Variants in IL21R observed in about 807,000 individuals in gnomAD.
IL21R encodes the protein interleukin-21 receptor.
IL21R carries 14 observed loss-of-function variants against 41.3 expected under a neutral mutation model. The observed-to-expected ratio is 0.34, with a 90% CI of 0.22 to 0.53. The LOEUF (loss-of-function observed/expected upper bound fraction) is 0.53. Ranked by LOEUF, IL21R falls within the 20% of genes least tolerant of loss-of-function variation. The probability of loss-of-function intolerance (pLI) is 0.94; values close to 1 mark genes in which losing one functional copy is unlikely to be tolerated. For synonymous variants in IL21R, 286 were observed against 287.6 expected (o/e 0.99, Z 0.05); for missense variants, 588 against 681.6 (o/e 0.86, Z 1.53).
At position 27,448,633 on chromosome 16, in the gene IL21R, C is replaced by T. The variant is rs149097843; in HGVS notation, c.967C>T (p.Arg323Trp). 38 of 1,613,066 alleles carry T rather than the reference C, an allele frequency of 2.4e-5. No homozygotes were observed. The highest frequency in any genetic ancestry group is 1.5e-4 in the African/African-American group (11 of 74,924). ...GGAGGTGTACAGCTGCCACCCACCA[C>T]GGAGCCCGGCCAAGAGGCTGCAGCT... ...TLEVYSCHPP[R>W]SPAKRLQLTE... Residue 323 changes from arginine to tryptophan, a missense_variant, in exon 9 of 9, where the codon CGG becomes TGG. Physicochemically the swap from Arg to Trp is moderately radical, Grantham distance 101 (BLOSUM62 -3). Coordinates refer to ENST00000337929, the MANE Select transcript of IL21R (RefSeq NM_181078.3).
intron 4 of IL21R, among the ~76,000 whole-genome samples, chr16:27,440,222 AATAT>A (rs60418304): frequency 0.01 from 777 of 75,866 alleles, 16 homozygotes; most frequent in South Asian, 0.013. Flanking sequence ...TAATCTGACA[AATAT>A]ATATATATAT....
intron 1 of IL21R, among the ~76,000 whole-genome samples, chr16:27,428,648 G>A (rs552338187): frequency 2.0e-5 from 3 of 152,314 alleles, no homozygotes; most frequent in Admixed American, 1.3e-4. Flanking sequence ...GCCTGGCATC[G>A]CCAGACTGGT....
chr16:27,435,992 C>T (rs1471864698), intron 3 of IL21R, among the ~76,000 whole-genome samples: 4 of 152,154 alleles, frequency 2.6e-5, no homozygotes, highest in Middle Eastern at 3.2e-3. Flanking sequence ...CACCTGGTCT[C>T]GAACTCCTGG....
Position 27,444,654 on chromosome 16 carries a change from GCTC to G in IL21R, c.626_628del (p.Ser209del). 6.3e-7 allele frequency: 1 copy of G among 1,580,572 alleles called. No homozygotes were observed. The highest frequency in any genetic ancestry group is 8.6e-7 in the Non-Finnish European group (1 of 1,163,574). On this transcript the variant is annotated inframe_deletion, in exon 6 of 9. Coordinates refer to ENST00000337929, the MANE Select transcript of IL21R (RefSeq NM_181078.3). ...CAGGTGCGGGCAGGGCCCATGCCTG[GCTC>G]CTCCTACCAGGGGACCTGGAGTGAA... is the stretch of plus-strand genomic sequence containing the variant.
chr16:27,418,015 ATTTTATTTTATTTTAT>A lies in IL21R; in HGVS notation c.-16-12037_-16-12022del, dbSNP rs1411364131. On this transcript the variant is annotated intron_variant, in intron 1 of 8. Coordinates refer to ENST00000337929, the MANE Select transcript of IL21R (RefSeq NM_181078.3). ...CTGTAACATTTTTCCTATTTTATTT[ATTTTATTTTATTTTAT>A]TTTATTTTATTTTATTTTATTTTAT... Among the ~76,000 whole-genome samples, 4 of 28,014 alleles carry A rather than the reference ATTTTATTTTATTTTAT, an allele frequency of 1.4e-4. No individual in the cohort carries two copies. The East Asian group carries it at 0.025, about 177-fold the overall frequency. The allele number at this position is 28,014 out of a possible 152,430, so 18.4% of individuals were successfully genotyped here.
intron 4 of IL21R, among the ~76,000 whole-genome samples, chr16:27,440,285 C>CG (rs1567370086): frequency 0.019 from 1,699 of 90,906 alleles, 32 homozygotes; most frequent in Non-Finnish European, 0.026. Flanking sequence ...AGAGAGCGAG[C>CG]AAGCGCGCGC....
intron 8 of IL21R, among the ~76,000 whole-genome samples, chr16:27,446,734 C>G (rs1048126930): frequency 1.3e-5 from 2 of 152,312 alleles, no homozygotes; most frequent in East Asian, 1.9e-4. Context: ...TGTCCTTAAT[C>G]TGGGTTGGAG....
chr16:27,405,619 C>T (rs2086730762), intron 1 of IL21R, among the ~76,000 whole-genome samples: 1 of 152,210 alleles, frequency 6.6e-6, no homozygotes, highest in Non-Finnish European at 1.5e-5. Context: ...GCCCCTTCCT[C>T]ACATGCCCTC....
intron 4 of IL21R, among the ~76,000 whole-genome samples, chr16:27,438,862 T>C (rs2087320150): frequency 6.6e-6 from 1 of 152,104 alleles, no homozygotes; most frequent in Admixed American, 6.6e-5. Flanking sequence ...AGAGTGAGAC[T>C]CCGTCTCAAA....
At chr16:27,415,786 A>G (rs1044292864) in intron 1 of IL21R, among the ~76,000 whole-genome samples, 46 of 152,298 alleles carry the variant, frequency 3.0e-4, no homozygotes, top group Non-Finnish European at 2.1e-4. Context: ...TCTTTAGTTA[A>G]TAATGTAAAA....
At chr16:27,438,368 A>AG (rs2087311200) in intron 4 of IL21R, among the ~76,000 whole-genome samples, 1 of 151,994 alleles carries the variant, frequency 6.6e-6, no homozygotes, top group Admixed American at 6.6e-5. Context: ...GGCTGGAGGT[A>AG]GAGGGGGGTC....
chr16:27,450,524 C>A lies in IL21R; in HGVS notation c.*1241C>A. The A allele has an allele frequency of 4.4e-6, 1 of 227,092 alleles. No individual in the cohort carries two copies. The allele number at this position is 227,092 out of a possible 1,614,324, so 14.1% of individuals were successfully genotyped here. Reference sequence around the variant, plus strand: ...TGTTTGTCAATGATTTGTCAGAGAACCTGTTGAAATGTGAATTAAGAAGCT... The same window carrying A: ...TGTTTGTCAATGATTTGTCAGAGAAACTGTTGAAATGTGAATTAAGAAGCT... On this transcript the variant is annotated 3_prime_UTR_variant, in exon 9 of 9. Transcript: ENST00000337929.
At position 27,445,211 on chromosome 16, in the gene IL21R, T is replaced by A. The variant is rs763835537; in HGVS notation, c.720T>A (p.Leu240=). The A allele has an allele frequency of 6.2e-7, 1 of 1,614,064 alleles. No homozygotes were observed. Among genetic ancestry groups the A allele is most frequent in the South Asian group, 1.1e-5 (1 of 91,068 alleles). The change falls in exon 7 of 9, where the codon CTT becomes CTA. Residue 240 remains leucine, a synonymous_variant. Transcript: ENST00000337929. ...AAGGCTGGAACCCTCACCTGCTGCT[T>A]CTCCTCCTGCTTGTCATAGTCTTCA... ...LKEGWNPHLL[L]LLLLVIVFIP... is the part of the protein sequence containing the mutation.
In IL21R at chr16:27,402,554, C is replaced by T. The variant is rs753682941; in HGVS notation, c.-81C>T. On this transcript the variant is annotated 5_prime_UTR_variant, in exon 1 of 9. Transcript: ENST00000337929. ...CCACGCTGAACCCAGCTGCCACCCC[C>T]AGAAGCCCATCAGACTGCCCCCAGC... The T allele has an allele frequency of 3.2e-5, 5 of 153,982 alleles. No homozygotes were observed. Among genetic ancestry groups the T allele is most frequent in the Admixed American group, 1.3e-4 (2 of 15,638 alleles). 9.5% of individuals were successfully genotyped at this position (153,982 alleles called of 1,614,324 possible). A position where few individuals can be genotyped will look rare whatever the true frequency, so the allele number is the denominator to read the frequency against.
At chr16:27,447,357 G>A (rs935550595) in intron 8 of IL21R, among the ~76,000 whole-genome samples, 7 of 152,078 alleles carry the variant, frequency 4.6e-5, no homozygotes, top group African/African-American at 1.7e-4. Context: ...GCACCGAGAG[G>A]GTAAGTAATT....
chr16:27,414,465 AT>A (rs1415633775), intron 1 of IL21R, among the ~76,000 whole-genome samples: 4 of 151,934 alleles, frequency 2.6e-5, no homozygotes, highest in African/African-American at 9.7e-5. Context: ...TGTTTCAGAT[AT>A]TTTTTAGATT....
At chr16:27,445,921 G>A in intron 7 of IL21R, 86 bp from the exon 8 acceptor site, 1 of 1,032,146 alleles carries the variant, frequency 9.7e-7, no homozygotes, top group Non-Finnish European at 1.4e-6. Flanking sequence ...GGAAGCTCCT[G>A]TAGGATGAAG....
intron 1 of IL21R, among the ~76,000 whole-genome samples, chr16:27,418,131 G>A (rs4456507): frequency 0.014 from 2,075 of 151,206 alleles, 16 homozygotes; most frequent in South Asian, 0.028. Flanking sequence ...GTGCAGTGGC[G>A]TGATCTCGGC....
At chr16:27,425,559 G>T (rs4496148) in intron 1 of IL21R, among the ~76,000 whole-genome samples, 53,129 of 149,182 alleles carry the variant, frequency 0.36, 9,727 homozygotes, top group East Asian at 0.53. Flanking sequence ...GTTTTGTTTT[G>T]TTTTTTTTTG....
Sources: gnomAD v4.1 joint callset for allele counts (sites outside exome capture counted in the v4.1 genomes callset) on GRCh38, gnomAD v4.1.1 for gene constraint, MANE v1.5 for transcripts, NCBI Gene and HGNC (gene_info 2026-07-23, HGNC 2026-07-21) for gene names.